The following ART3 variants were observed in gnomAD, a reference collection of about 807,000 sequenced individuals.
ART3 encodes the protein ADP-ribosyltransferase 3 (inactive), also known as ecto-ADP-ribosyltransferase 3.
A neutral mutation model predicts 48.5 loss-of-function variants in ART3; 49 were observed. The observed-to-expected ratio is 1.01, with a 90% CI of 0.80 to 1.28. The LOEUF (loss-of-function observed/expected upper bound fraction) is 1.28. ART3 is among the 50% of genes most tolerant of loss of function. The pLI is 0.00. For missense variants in ART3, 438 were observed against 454.3 expected, an observed-to-expected ratio of 0.96 and a Z score of 0.33; for synonymous variants, 145 against 157.2, an observed-to-expected ratio of 0.92 and a Z score of 0.58.
intron 3 of ART3, among the ~76,000 whole-genome samples, chr4:76,082,743 T>C (rs1722746403): frequency 6.6e-6 from 1 of 152,042 alleles, no homozygotes; most frequent in South Asian, 2.1e-4. Context: ...AAATTAGCAC[T>C]ATAAGGCAGT....
intron 1 of ART3, chr4:76,034,259 G>A (rs1734136010): frequency 2.5e-6 from 1 of 394,354 alleles, no homozygotes; most frequent in Non-Finnish European, 4.5e-6. Context: ...AATGTTTTAC[G>A]ACACATAGAT....
intron 5 of ART3, 84 bp downstream of exon 5, chr4:76,099,071 G>GT (rs1275628879): frequency 2.4e-6 from 3 of 1,255,220 alleles, no homozygotes; most frequent in Non-Finnish European, 3.5e-6. Flanking sequence ...GAAGGCCGAG[G>GT]TGAGTGGATC....
chr4:76,044,669 C>G (rs4859605), intron 1 of ART3, among the ~76,000 whole-genome samples: 93,378 of 151,480 alleles, frequency 0.62, 30,112 homozygotes, highest in East Asian at 0.94. Context: ...GACTCCTTTT[C>G]TTTGTCTCTG....
intron 1 of ART3, among the ~76,000 whole-genome samples, chr4:76,040,682 G>A (rs751179313): frequency 8.2e-4 from 124 of 152,076 alleles, no homozygotes; most frequent in Non-Finnish European, 1.4e-3. Flanking sequence ...CTAGAGGAGG[G>A]GGCTATCCCT....
intron 1 of ART3, among the ~76,000 whole-genome samples, chr4:76,057,218 A>G (rs1235795271): frequency 6.6e-6 from 1 of 152,212 alleles, no homozygotes; most frequent in Non-Finnish European, 1.5e-5. Context: ...TTTGCGATCT[A>G]CTAGGAAATA....
chr4:76,073,061 G>T (rs60282049), upstream of ART3, among the ~76,000 whole-genome samples: 31,411 of 152,058 alleles, frequency 0.21, 5,533 homozygotes, highest in African/African-American at 0.48. Context: ...CATAATTTAC[G>T]TACTTATTTT....
intron 1 of ART3, among the ~76,000 whole-genome samples, chr4:76,016,752 T>C (rs567695133): frequency 1.1e-4 from 17 of 152,320 alleles, no homozygotes; most frequent in African/African-American, 4.1e-4. Flanking sequence ...CCTGGTGCTC[T>C]ATTCTGTTGC....
At position 76,048,662 on chromosome 4, in the gene ART3, G is replaced by A. The variant is rs529050825; in HGVS notation, c.-9-27219G>A. 2.1e-3 allele frequency among the ~76,000 whole-genome samples: 326 copies of A among 152,046 alleles called. 6 individuals carry two copies. Among genetic ancestry groups the A allele is most frequent in the Admixed American group, 3.6e-3 (55 of 15,272 alleles). On this transcript the variant is annotated intron_variant, in intron 1 of 9. Coordinates refer to the ART3 transcript ENST00000341029. ...GCTGATCAGAATAGTTGTGCTCACT[G>A]ACGCAGCAGCGGAAACACTAGTTTT...
At chr4:76,021,205 T>G (rs368154298) in intron 1 of ART3, 24 of 152,252 alleles carry the variant, frequency 1.6e-4, no homozygotes, top group African/African-American at 5.5e-4. Context: ...TCATTTTTAT[T>G]TTGAAAACCA....
chr4:76,016,781 T>A lies in ART3; in HGVS notation c.-10+5461T>A, dbSNP rs370587872. On this transcript the variant is annotated intron_variant, in intron 1 of 9. Coordinates refer to the ART3 transcript ENST00000341029. ...CTGTTGCGGCTAAGCTGGCACTCAA[T>A]CTATGAGACAAAGTCTTTCCCATTC... Among the ~76,000 whole-genome samples the A allele has an allele frequency of 1.3e-3, 198 of 152,258 alleles. 3 individuals carry two copies. The highest frequency in any genetic ancestry group is 4.4e-3 in the African/African-American group (183 of 41,538).
chr4:76,101,485 T>C (rs1185899992), intron 8 of ART3, among the ~76,000 whole-genome samples: 1 of 152,206 alleles, frequency 6.6e-6, no homozygotes, highest in African/African-American at 2.4e-5. Context: ...ATTACTCAAA[T>C]GGCCGGGCGG....
rs563483886 is a variant in ART3 at position 76,045,514 on chromosome 4, A to T, written c.-9-30367A>T. Among the ~76,000 whole-genome samples the T allele has an allele frequency of 3.2e-4, 49 of 152,084 alleles. No homozygotes were observed. In the East Asian group the frequency reaches 6.2e-3, roughly 19 times the overall value. The stretch of plus-strand genomic sequence containing the variant: ...GCCGCTGCTGCAACTACCCTTAAAC[A>T]GTGAGGCCAGCCTTTGGCTACTACA... On this transcript the variant is annotated intron_variant, in intron 1 of 9. Transcript: ENST00000341029.
intron 1 of ART3, among the ~76,000 whole-genome samples, chr4:76,044,035 G>T (rs972671230): frequency 7.9e-5 from 12 of 151,922 alleles, no homozygotes; most frequent in Non-Finnish European, 1.5e-4. Flanking sequence ...GAAGTTGTTA[G>T]TTGAACTCAT....
chr4:76,089,539 T>TTTCCTGAGGCCTCCCCTGCCACGC (rs1297076525), intron 3 of ART3, among the ~76,000 whole-genome samples: 1 of 152,152 alleles, frequency 6.6e-6, no homozygotes, highest in African/African-American at 2.4e-5. Context: ...TGAGTGTAAG[T>TTTCCTGAGGCCTCCCCTGCCACGC]TTCCTGAGGC....
chr4:76,108,038 T>A (rs1215328859), intron 11 of ART3, among the ~76,000 whole-genome samples: 1 of 151,848 alleles, frequency 6.6e-6, no homozygotes, highest in African/African-American at 2.4e-5. Context: ...ACAGTGGTTC[T>A]TACCAGTCTG....
At chr4:76,103,040 C>G (rs914137281) in intron 8 of ART3, among the ~76,000 whole-genome samples, 1 of 152,106 alleles carries the variant, frequency 6.6e-6, no homozygotes, top group Non-Finnish European at 1.5e-5. Context: ...TCTGAGTTTT[C>G]TACTACAGAA....
At chr4:76,094,923 G>A (rs1378030711) in intron 3 of ART3, among the ~76,000 whole-genome samples, 2 of 152,122 alleles carry the variant, frequency 1.3e-5, no homozygotes, top group Non-Finnish European at 2.9e-5. Context: ...ATTTTTCTGG[G>A]AATTTGTCCA....
chr4:76,021,548 A>G (rs1021353261), intron 1 of ART3: 3 of 198,856 alleles, frequency 1.5e-5, no homozygotes, highest in African/African-American at 6.9e-5. Context: ...TTGATTGCAT[A>G]CCTTTTAGTT....
chr4:76,082,300 T>A lies in ART3; in HGVS notation c.546T>A (p.His182Gln). ...GGCTAAACCAAGCCAGGTTTGGCCA[T>A]TTTACCTTGGCATATTCAGCCAAAC... Reference protein sequence around the residue: ...FGGLNQARFGHFTLAYSAKPQ... With the variant: ...FGGLNQARFGQFTLAYSAKPQ... Residue 182 changes from histidine (H) to glutamine (Q), a missense_variant, in exon 3 of 12, where the codon CAT becomes CAA. Transcript: ENST00000355810. 2 of 1,614,220 alleles carry A rather than the reference T, an allele frequency of 1.2e-6. No homozygotes were observed. The highest frequency in any genetic ancestry group is 1.7e-6 in the Non-Finnish European group (2 of 1,180,040).
Sources: allele counts gnomAD v4.1 joint callset (sites outside exome capture counted in the v4.1 genomes callset), GRCh38; gene constraint gnomAD v4.1.1; transcripts MANE v1.5; gene names NCBI Gene and HGNC (gene_info 2026-07-23, HGNC 2026-07-21).